The following ADAMTS9 variants were observed in gnomAD, a reference collection of about 807,000 sequenced individuals.
The protein encoded by ADAMTS9 is A disintegrin and metalloproteinase with thrombospondin motifs 9.
A neutral mutation model predicts 257.1 loss-of-function variants in ADAMTS9; 107 were observed. The observed-to-expected ratio is 0.42, with a 90% CI of 0.36 to 0.49. The LOEUF (loss-of-function observed/expected upper bound fraction) is 0.49, where lower values mean the gene tolerates loss of function less well. Among genes scored for constraint, ADAMTS9 ranks in the 20% least tolerant of loss-of-function variants. The pLI is 0.03. For synonymous variants in ADAMTS9, 982 were observed against 880.9 expected (o/e 1.11, Z -2.03); for missense variants, 2,353 against 2,469.1 (o/e 0.95, Z 1.00).
intron 3 of ADAMTS9, among the ~76,000 whole-genome samples, chr3:64,672,509 C>G (rs1025669821): frequency 1.3e-5 from 2 of 152,040 alleles, no homozygotes; most frequent in Non-Finnish European, 2.9e-5. Flanking sequence ...ATGGCAAAAC[C>G]CTGTCTCTAC....
At chr3:64,672,617 A>G (rs1701520857) in intron 3 of ADAMTS9, among the ~76,000 whole-genome samples, 2 of 152,186 alleles carry the variant, frequency 1.3e-5, no homozygotes, top group African/African-American at 4.8e-5. Context: ...TGGAAGGTGG[A>G]GGTTGCAGTG....
chr3:64,631,787 T>G, intron 15 of ADAMTS9, 21 bp downstream of exon 15: 1 of 1,582,658 alleles, frequency 6.3e-7, no homozygotes, highest in South Asian at 1.1e-5. Context: ...CTTCTCATGG[T>G]TCTTAGGAGC....
At chr3:64,529,020 G>A (rs1246378968) in intron 38 of ADAMTS9, among the ~76,000 whole-genome samples, 1 of 152,198 alleles carries the variant, frequency 6.6e-6, no homozygotes, top group African/African-American at 2.4e-5. Flanking sequence ...CAAGGGCTGA[G>A]TTGCGGCAGG....
intron 27 of ADAMTS9, among the ~76,000 whole-genome samples, chr3:64,596,220 T>C (rs900984314): frequency 1.3e-5 from 2 of 152,174 alleles, no homozygotes; most frequent in African/African-American, 4.8e-5. Flanking sequence ...CACAAAACTT[T>C]TAAGAGCCAG....
chr3:64,662,882 A>G (rs1034436793), intron 3 of ADAMTS9, among the ~76,000 whole-genome samples: 1 of 152,174 alleles, frequency 6.6e-6, no homozygotes, highest in African/African-American at 2.4e-5. Flanking sequence ...AATTCCACAC[A>G]TAAGTATTTA....
chr3:64,565,850 C>T (rs2083532113), intron 29 of ADAMTS9: 8 of 152,092 alleles, frequency 5.3e-5, no homozygotes, highest in Admixed American at 5.2e-4. Flanking sequence ...AAGAATAATT[C>T]CACCCCTCCT....
intron 38 of ADAMTS9, 127 bp downstream of exon 38, chr3:64,533,039 C>T (rs912686603): frequency 1.3e-6 from 1 of 766,218 alleles, no homozygotes; most frequent in Admixed American, 2.6e-5. Context: ...GTCTTCCTGA[C>T]ACTACAAAAT....
intron 2 of ADAMTS9, among the ~76,000 whole-genome samples, chr3:64,683,595 A>G (rs1701813599): frequency 6.6e-6 from 1 of 152,164 alleles, no homozygotes; most frequent in Non-Finnish European, 1.5e-5. Context: ...TACATATGTA[A>G]ACTACTTACA....
chr3:64,686,905 C>G lies in ADAMTS9; in HGVS notation c.179G>C (p.Gly60Ala). ...GTGGACGTTCGTGGGAAAGGGTTCTCCGAGAGCGTTCACTCGGATGGGAGA... is the reference window on the plus strand; with the variant it reads ...GTGGACGTTCGTGGGAAAGGGTTCTGCGAGAGCGTTCACTCGGATGGGAGA... ...IVSPIRVNAL[G>A]EPFPTNVHFK... The change falls in exon 2 of 40, where the codon GGA (glycine) becomes GCA (alanine). Residue 60 changes from glycine to alanine, a missense_variant. Physicochemically the swap from Gly to Ala is moderately conservative, Grantham distance 60 (BLOSUM62 0). Coordinates refer to ENST00000498707, the MANE Select transcript of ADAMTS9 (RefSeq NM_182920.2). This position sits in a 1 kb window ranked among gnomAD's most constrained non-coding sequence, Gnocchi z 4.6. 3 of 1,614,182 alleles carry G rather than the reference C, an allele frequency of 1.9e-6. No individual in the cohort carries two copies. Among genetic ancestry groups the G allele is most frequent in the Non-Finnish European group, 1.7e-6 (2 of 1,180,034 alleles).
In ADAMTS9 at chr3:64,613,486, C is replaced by T; in HGVS notation, c.3213G>A (p.Gly1071=). Residue 1071 remains glycine (G), a synonymous_variant, in exon 22 of 40, where the codon GGG becomes GGA. Coordinates refer to ENST00000498707, the MANE Select transcript of ADAMTS9 (RefSeq NM_182920.2). ...GACACCAGACCTGGCGGTGCTTATGCCCTTTTCCACAGGTGACCAAGCACT... is the reference window on the plus strand; with the variant it reads ...GACACCAGACCTGGCGGTGCTTATGTCCTTTTCCACAGGTGACCAAGCACT... The part of the protein sequence containing the change: ...WSECLVTCGK[G]HKHRQVWCQF... The T allele has an allele frequency of 6.2e-7, 1 of 1,613,614 alleles. No individual in the cohort carries two copies. The highest frequency in any genetic ancestry group is 8.5e-7 in the Non-Finnish European group (1 of 1,179,740).
chr3:64,634,877 A>G (rs995039555), intron 12 of ADAMTS9, among the ~76,000 whole-genome samples: 33 of 152,304 alleles, frequency 2.2e-4, no homozygotes, highest in African/African-American at 7.7e-4. Context: ...GTTTTGGGGA[A>G]TGAGAAATAT....
chr3:64,647,826 C>G (rs1700834352), intron 11 of ADAMTS9, 114 bp downstream of exon 11: 10 of 814,578 alleles, frequency 1.2e-5, no homozygotes, highest in Admixed American at 6.2e-5. Flanking sequence ...AAATATTATG[C>G]AAGCTAAAAC....
intron 12 of ADAMTS9, among the ~76,000 whole-genome samples, chr3:64,639,118 G>C (rs1049681993): frequency 3.3e-5 from 5 of 151,962 alleles, no homozygotes; most frequent in Non-Finnish European, 5.9e-5. Context: ...ATTTGGATCT[G>C]ATTTTCCCTT....
At chr3:64,653,729 G>T (rs1308013540) in intron 8 of ADAMTS9, among the ~76,000 whole-genome samples, 1 of 152,176 alleles carries the variant, frequency 6.6e-6, no homozygotes, top group African/African-American at 2.4e-5. Flanking sequence ...TCAATTTGCA[G>T]TGTTTTGCCC....
chr3:64,520,850 G>A (rs2082843177), intron 39 of ADAMTS9, among the ~76,000 whole-genome samples: 1 of 151,964 alleles, frequency 6.6e-6, no homozygotes, highest in African/African-American at 2.4e-5. Flanking sequence ...AATTCTAGAA[G>A]AAAACCCAGG....
At chr3:64,599,558 A>C (rs1381599084) in intron 26 of ADAMTS9, among the ~76,000 whole-genome samples, 1 of 152,208 alleles carries the variant, frequency 6.6e-6, no homozygotes, top group East Asian at 1.9e-4. Flanking sequence ...GGCAGATGCC[A>C]TCTTCATCTA....
At chr3:64,605,519 G>A (rs541403692) in intron 23 of ADAMTS9, among the ~76,000 whole-genome samples, 1 of 152,150 alleles carries the variant, frequency 6.6e-6, no homozygotes, top group African/African-American at 2.4e-5. Flanking sequence ...CAGATTGAGG[G>A]TGTTCAGGAT....
At chr3:64,643,840 C>T (rs189918165) in intron 11 of ADAMTS9, among the ~76,000 whole-genome samples, 3 of 151,394 alleles carry the variant, frequency 2.0e-5, no homozygotes, top group East Asian at 1.9e-4. Flanking sequence ...TATACCTAAG[C>T]ACATCTCAGT....
chr3:64,542,275 T>G (rs2083134880), intron 32 of ADAMTS9, among the ~76,000 whole-genome samples: 1 of 152,136 alleles, frequency 6.6e-6, no homozygotes, highest in African/African-American at 2.4e-5. Flanking sequence ...AGTACCCCTA[T>G]GAGATAGTAT....
Sources: gnomAD v4.1 joint callset for allele counts (sites outside exome capture counted in the v4.1 genomes callset) on GRCh38, gnomAD v4.1.1 for gene constraint, Gnocchi (gnomAD v3.1) non-coding constraint, MANE v1.5 for transcripts, NCBI Gene and HGNC (gene_info 2026-07-23, HGNC 2026-07-21) for gene names.